The following TMEM132D variants were observed in gnomAD, a reference collection of about 807,000 sequenced individuals.
The protein encoded by TMEM132D is transmembrane protein 132D, also known as mature OL transmembrane protein.
TMEM132D carries 21 observed loss-of-function variants against 62.3 expected under a neutral mutation model. That is an observed-to-expected ratio of 0.34 (90% CI 0.24 to 0.49). The LOEUF (loss-of-function observed/expected upper bound fraction) is 0.49, where lower values mean the gene tolerates loss of function less well. TMEM132D is among the 20% of genes least tolerant of loss of function. The pLI, the probability that TMEM132D is intolerant of heterozygous loss-of-function variation, is 0.99. For synonymous variants in TMEM132D, 621 were observed against 575.6 expected, an observed-to-expected ratio of 1.08 and a Z score of -1.13; for missense variants, 1,346 against 1,402.8, an observed-to-expected ratio of 0.96 and a Z score of 0.65.
chr12:129,566,980 A>C lies in TMEM132D; in HGVS notation c.969-35775T>G, dbSNP rs1378957195. 3.3e-5 allele frequency among the ~76,000 whole-genome samples: 5 copies of C among 152,348 alleles called. No homozygotes were observed. In the East Asian group the frequency reaches 9.6e-4, roughly 29 times the overall value. ...TTGTTCCGCCTTTCCAGACCTAACC[A>C]ATGTACATCTTACGTGTATTGACTG... On this transcript the variant is annotated intron_variant, in intron 2 of 8. Transcript: ENST00000422113.
At chr12:129,458,515 T>C (rs1270779015) in intron 3 of TMEM132D, among the ~76,000 whole-genome samples, 1 of 152,010 alleles carries the variant, frequency 6.6e-6, no homozygotes, top group Non-Finnish European at 1.5e-5. Flanking sequence ...TCTCAAATGG[T>C]TTAATCAGAT....
chr12:129,251,227 T>C (rs1424950155), intron 4 of TMEM132D, among the ~76,000 whole-genome samples: 1 of 151,802 alleles, frequency 6.6e-6, no homozygotes, highest in African/African-American at 2.4e-5. Context: ...GGTGTGGTAG[T>C]GTGCGCCTGT....
intron 1 of TMEM132D, among the ~76,000 whole-genome samples, chr12:129,708,631 ACACACAC>A (rs1403040826): frequency 1.8e-4 from 13 of 70,880 alleles, no homozygotes; most frequent in African/African-American, 7.2e-4. Flanking sequence ...AAAAAAAAAA[ACACACAC>A]ACACACACAC....
intron 3 of TMEM132D, among the ~76,000 whole-genome samples, chr12:129,473,587 T>C (rs934553549): frequency 1.3e-5 from 2 of 152,194 alleles, no homozygotes; most frequent in African/African-American, 4.8e-5. Flanking sequence ...CGCCTCGGCC[T>C]CCCAAAATTC....
At position 129,262,157 on chromosome 12, in the gene TMEM132D, C is replaced by T. The variant is rs1421201076; in HGVS notation, c.1300-52494G>A. 2.6e-5 allele frequency among the ~76,000 whole-genome samples: 4 copies of T among 152,238 alleles called. No homozygotes were observed. In the East Asian group the frequency reaches 7.7e-4, roughly 29 times the overall value. On this transcript the variant is annotated intron_variant, in intron 4 of 8. Coordinates refer to ENST00000422113, the MANE Select transcript of TMEM132D (RefSeq NM_133448.3). ...CTTGTGTTCTATTTGTAAAGGGATG[C>T]ACCGATAAAGCAGAATATACGTCAG...
At chr12:129,460,500 T>C (rs1873630159) in intron 3 of TMEM132D, among the ~76,000 whole-genome samples, 1 of 152,186 alleles carries the variant, frequency 6.6e-6, no homozygotes, top group Non-Finnish European at 1.5e-5. Flanking sequence ...ATGGGCTTGT[T>C]ACCTACCTCT....
At chr12:129,463,194 C>A (rs1009450674) in intron 3 of TMEM132D, among the ~76,000 whole-genome samples, 1 of 152,156 alleles carries the variant, frequency 6.6e-6, no homozygotes, top group African/African-American at 2.4e-5. Context: ...AGTGTATCTA[C>A]TTAGAAGATG....
At chr12:129,464,991 T>A (rs977147590) in intron 3 of TMEM132D, among the ~76,000 whole-genome samples, 1 of 13,882 alleles carries the variant, frequency 7.2e-5, no homozygotes, top group African/African-American at 1.2e-4. Flanking sequence ...TAAAGTAGTT[T>A]TTTCCAATTC....
chr12:129,385,814 A>G (rs1593359782), intron 3 of TMEM132D, among the ~76,000 whole-genome samples: 1 of 152,332 alleles, frequency 6.6e-6, no homozygotes, highest in East Asian at 1.9e-4. Flanking sequence ...CCAGCAGCCA[A>G]ACCCCTGGTG....
At chr12:129,358,164 G>GA (rs1412993819) in intron 3 of TMEM132D, among the ~76,000 whole-genome samples, 1 of 151,976 alleles carries the variant, frequency 6.6e-6, no homozygotes, top group African/African-American at 2.4e-5. Context: ...AGTCATTCTG[G>GA]AAAAAAACAA....
chr12:129,073,907 T>G lies in TMEM132D; in HGVS notation c.3268A>C (p.Asn1090His). 1 of 1,561,286 alleles carries G rather than the reference T, an allele frequency of 6.4e-7. No individual in the cohort carries two copies. Among genetic ancestry groups the G allele is most frequent in the Non-Finnish European group, 8.7e-7 (1 of 1,155,800 alleles). ...LDPGDCKELH[N>H]YMERLHENV ...TTTTCATGTAACCTCTCCATGTAGTTGTGCAGCTCTTTGCAGTCCCCAGGG... is the reference window on the plus strand; with the variant it reads ...TTTTCATGTAACCTCTCCATGTAGTGGTGCAGCTCTTTGCAGTCCCCAGGG... Residue 1090 changes from asparagine to histidine, a missense_variant, in exon 9 of 9, where the codon AAC becomes CAC. By Grantham distance (68) the Asn-to-His change is moderately conservative (BLOSUM62 1). Transcript: ENST00000422113.
At chr12:129,249,274 C>A (rs1880204068) in intron 4 of TMEM132D, among the ~76,000 whole-genome samples, 1 of 152,216 alleles carries the variant, frequency 6.6e-6, no homozygotes, top group Admixed American at 6.5e-5. Flanking sequence ...CCTACAGATA[C>A]CCTAAGGTGC....
At chr12:129,261,272 T>C (rs1166931219) in intron 4 of TMEM132D, among the ~76,000 whole-genome samples, 1 of 152,202 alleles carries the variant, frequency 6.6e-6, no homozygotes, top group Non-Finnish European at 1.5e-5. Flanking sequence ...GCTCCCATAA[T>C]CCTCACATGT....
chr12:129,148,328 C>T (rs1188758334), intron 5 of TMEM132D, among the ~76,000 whole-genome samples: 1 of 152,136 alleles, frequency 6.6e-6, no homozygotes, highest in Non-Finnish European at 1.5e-5. Context: ...CCTTACATGG[C>T]AGAGGGGACT....
intron 3 of TMEM132D, among the ~76,000 whole-genome samples, chr12:129,406,462 T>C (rs1871791622): frequency 6.6e-6 from 1 of 151,726 alleles, no homozygotes; most frequent in South Asian, 2.1e-4. Flanking sequence ...CTACTAAAAA[T>C]ACAAAAAATT....
At chr12:129,343,762 A>C (rs148616480) in intron 3 of TMEM132D, among the ~76,000 whole-genome samples, 8 of 93,868 alleles carry the variant, frequency 8.5e-5, no homozygotes, top group South Asian at 3.1e-4. Context: ...CAAAAAAAAC[A>C]AAAAAAAACA....
chr12:129,821,710 A>T (rs1468512025), intron 1 of TMEM132D, among the ~76,000 whole-genome samples: 1 of 152,188 alleles, frequency 6.6e-6, no homozygotes, highest in Non-Finnish European at 1.5e-5. Flanking sequence ...TTCAACACAC[A>T]GGTGCATCAC....
intron 1 of TMEM132D, among the ~76,000 whole-genome samples, chr12:129,706,082 G>A (rs1444120566): frequency 1.3e-5 from 2 of 151,784 alleles, no homozygotes; most frequent in African/African-American, 4.8e-5. Context: ...TCTATTGAAT[G>A]CACAGATAAA....
At chr12:129,742,743 T>C (rs1869650240) in intron 1 of TMEM132D, among the ~76,000 whole-genome samples, 2 of 152,198 alleles carry the variant, frequency 1.3e-5, no homozygotes, top group Admixed American at 6.5e-5. Flanking sequence ...TTAAAACAAA[T>C]TGCTGTCTGC....
Sources: gnomAD v4.1 joint callset for allele counts (sites outside exome capture counted in the v4.1 genomes callset) on GRCh38, gnomAD v4.1.1 for gene constraint, MANE v1.5 for transcripts, NCBI Gene and HGNC (gene_info 2026-07-23, HGNC 2026-07-21) for gene names.